Variants in TIMM23B observed in about 807,000 individuals in gnomAD.
The protein encoded by TIMM23B is translocase of inner mitochondrial membrane 23 homolog B, also known as mitochondrial import inner membrane translocase subunit Tim23B.
Under a neutral mutation model 27.3 loss-of-function variants are expected in TIMM23B, and 27 were observed. That is an observed-to-expected ratio of 0.99 (90% CI 0.73 to 1.36). The LOEUF is 1.36. TIMM23B is among the 40% of genes most tolerant of loss of function. The pLI is 0.00. For synonymous variants in TIMM23B, 73 were observed against 92.4 expected, an observed-to-expected ratio of 0.79 and a Z score of 1.21; for missense variants, 205 against 244.2, an observed-to-expected ratio of 0.84 and a Z score of 1.07.
At chr10:49,959,668 T>C (rs1481595555) in intron 6 of TIMM23B, among the ~76,000 whole-genome samples, 6 of 152,228 alleles carry the variant, frequency 3.9e-5, no homozygotes, top group Non-Finnish European at 7.3e-5. Flanking sequence ...CTTTTTAACA[T>C]CTAAAAGATT....
chr10:49,950,063 CTTT>C (rs1238099387), intron 2 of TIMM23B, among the ~76,000 whole-genome samples: 1 of 151,906 alleles, frequency 6.6e-6, no homozygotes, highest in East Asian at 1.9e-4. Flanking sequence ...CTCATTGAAA[CTTT>C]TTTTTAAATT....
chr10:49,973,907 T>A lies in TIMM23B; in HGVS notation c.*843T>A, dbSNP rs1204839081. The stretch of plus-strand genomic sequence containing the variant: ...ACCTCTGCCTCCCGGCTTCAAGCAG[T>A]TCTCCTGCCTCAGCCTCCCAAGTAG... On this transcript the variant is annotated 3_prime_UTR_variant, in exon 7 of 7. Transcript: ENST00000651259. The A allele has an allele frequency of 7.4e-6, 1 of 135,392 alleles. No individual in the cohort carries two copies. Among genetic ancestry groups the A allele is most frequent in the Non-Finnish European group, 1.6e-5 (1 of 63,382 alleles). The allele number at this position is 135,392 out of a possible 1,614,324, so 8.4% of individuals were successfully genotyped here.
intron 5 of TIMM23B, among the ~76,000 whole-genome samples, chr10:49,957,184 G>A (rs1344218733): frequency 6.6e-6 from 1 of 151,646 alleles, no homozygotes; most frequent in African/African-American, 2.4e-5. Context: ...CTTTGGGTTT[G>A]ATTAATTTAT....
At chr10:49,961,397 AAAAG>A (rs1196446228) in intron 6 of TIMM23B, among the ~76,000 whole-genome samples, 3 of 151,624 alleles carry the variant, frequency 2.0e-5, no homozygotes, top group Admixed American at 6.6e-5. Flanking sequence ...AAAAAAAAAA[AAAAG>A]AAAAGAAAAA....
intron 2 of TIMM23B, among the ~76,000 whole-genome samples, chr10:49,949,386 T>G (rs1368833485): frequency 3.9e-5 from 6 of 152,130 alleles, no homozygotes; most frequent in Non-Finnish European, 8.8e-5. Flanking sequence ...AATGTTATAT[T>G]TTAACATTGG....
At chr10:49,971,440 T>C (rs1279179656) in intron 6 of TIMM23B, among the ~76,000 whole-genome samples, 1 of 151,974 alleles carries the variant, frequency 6.6e-6, no homozygotes, top group Non-Finnish European at 1.5e-5. Context: ...ATAATTATTT[T>C]AAAACAAACA....
chr10:49,946,111 A>C (rs1179766454), intron 2 of TIMM23B, among the ~76,000 whole-genome samples: 1,803 of 151,428 alleles, frequency 0.012, 32 homozygotes, highest in African/African-American at 0.042. Context: ...AATCGCTTGA[A>C]CCCTGGATAC....
At chr10:49,966,824 C>G (rs527692819) in intron 6 of TIMM23B, among the ~76,000 whole-genome samples, 1 of 152,034 alleles carries the variant, frequency 6.6e-6, no homozygotes, top group Admixed American at 6.6e-5. Context: ...AACTCTGTCT[C>G]AAAAAAATAA....
intron 2 of TIMM23B, among the ~76,000 whole-genome samples, chr10:49,950,546 C>CT (rs1161323117): frequency 0.014 from 1,443 of 105,232 alleles, 10 homozygotes; most frequent in Non-Finnish European, 0.016. Context: ...GTTTTCTTTT[C>CT]TTTTTTTTTT....
chr10:49,972,231 CAG>C (rs1840482073), intron 6 of TIMM23B, among the ~76,000 whole-genome samples: 1 of 152,212 alleles, frequency 6.6e-6, no homozygotes, highest in Non-Finnish European at 1.5e-5. Flanking sequence ...GGCTTGCTGT[CAG>C]GGGTTCACAG....
At chr10:49,966,923 T>C (rs2805284) in intron 6 of TIMM23B, among the ~76,000 whole-genome samples, 1 of 147,056 alleles carries the variant, frequency 6.8e-6, no homozygotes, top group African/African-American at 2.4e-5. Flanking sequence ...AGCTCTGTAC[T>C]TACTATGTTG....
At position 49,966,065 on chromosome 10, in the gene TIMM23B, AATGACATGACATGAC is replaced by A. The variant is rs146709772; in HGVS notation, c.515-6927_515-6913del. The stretch of plus-strand genomic sequence containing the variant: ...AGAGCGAGTCTCTGTCTCGAAATGA[AATGACATGACATGAC>A]ATGACATGACATGACATGATGAAAT... On this transcript the variant is annotated intron_variant, in intron 6 of 6. Coordinates refer to ENST00000651259, the MANE Select transcript of TIMM23B (RefSeq NM_001290117.2). Among the ~76,000 whole-genome samples, 60 of 143,634 alleles carry A rather than the reference AATGACATGACATGAC, an allele frequency of 4.2e-4. No homozygotes were observed. The East Asian group carries it at 4.3e-3, about 10-fold the overall frequency. The allele number at this position is 143,634 out of a possible 152,430, so 94.2% of individuals were successfully genotyped here.
chr10:49,947,619 TAAATA>T (rs1839395183), intron 2 of TIMM23B, among the ~76,000 whole-genome samples: 1 of 150,848 alleles, frequency 6.6e-6, no homozygotes, highest in Non-Finnish European at 1.5e-5. Flanking sequence ...CAAAAATAAA[TAAATA>T]AATAAATAAA....
At chr10:49,942,529 G>T (rs1839158049) in intron 1 of TIMM23B, among the ~76,000 whole-genome samples, 5 of 152,116 alleles carry the variant, frequency 3.3e-5, no homozygotes, top group Admixed American at 3.3e-4. Context: ...ACCTGGACTC[G>T]CGAGATGATG....
At chr10:49,966,441 TAATGA>T (rs1333335023) in intron 6 of TIMM23B, among the ~76,000 whole-genome samples, 13 of 151,028 alleles carry the variant, frequency 8.6e-5, no homozygotes, top group East Asian at 4.0e-4. Flanking sequence ...AGAAATGAAA[TAATGA>T]AATGAAATGA....
intron 6 of TIMM23B, among the ~76,000 whole-genome samples, chr10:49,961,432 G>C (rs1478429952): frequency 6.6e-6 from 1 of 150,964 alleles, no homozygotes; most frequent in Admixed American, 6.6e-5. Context: ...GGGATCACTA[G>C]AAGACGGTTT....
chr10:49,949,240 TTTATTTCAGAGTTGAATCACTAACGGCA>T (rs1246466196), intron 2 of TIMM23B, among the ~76,000 whole-genome samples: 1 of 150,952 alleles, frequency 6.6e-6, no homozygotes, highest in African/African-American at 2.4e-5. Context: ...GTTGGAACCT[TTTATTTCAGAGTTGAATCACTAACGGCA>T]TCTGACAGCT....
At chr10:49,951,000 G>A (rs1422760808) in intron 2 of TIMM23B, among the ~76,000 whole-genome samples, 1 of 151,988 alleles carries the variant, frequency 6.6e-6, no homozygotes, top group Non-Finnish European at 1.5e-5. Context: ...TTAATACTAA[G>A]TCATTATTTA....
At chr10:49,971,398 A>G (rs1840442744) in intron 6 of TIMM23B, among the ~76,000 whole-genome samples, 1 of 152,058 alleles carries the variant, frequency 6.6e-6, no homozygotes, top group South Asian at 2.1e-4. Flanking sequence ...CTGGACTGAC[A>G]TCATCCTTGT....
Sources: allele counts gnomAD v4.1 joint callset (sites outside exome capture counted in the v4.1 genomes callset), GRCh38; gene constraint gnomAD v4.1.1; transcripts MANE v1.5; gene names NCBI Gene and HGNC (gene_info 2026-07-23, HGNC 2026-07-21).